PTPRG: variants seen among roughly 807,000 people sequenced by gnomAD.
The protein encoded by PTPRG is protein tyrosine phosphatase receptor type G.
In PTPRG, 102 loss-of-function variants were observed where a neutral mutation model predicts 165.3. The observed-to-expected ratio is 0.62, with a 90% CI of 0.53 to 0.73. The LOEUF is 0.73. Ranked by LOEUF, PTPRG falls within the 30% of genes least tolerant of loss-of-function variation. The pLI is 0.00. For missense variants in PTPRG, 1,866 were observed against 1,861.4 expected, an observed-to-expected ratio of 1.00 and a Z score of -0.05; for synonymous variants, 675 against 669.5, an observed-to-expected ratio of 1.01 and a Z score of -0.13.
chr3:62,154,401 C>T (rs1434157287), intron 6 of PTPRG, among the ~76,000 whole-genome samples: 2 of 152,188 alleles, frequency 1.3e-5, no homozygotes, highest in African/African-American at 2.4e-5. Context: ...CAGAGCTTGC[C>T]TCTGAAGCCC....
At chr3:62,104,393 T>A (rs1050875949) in intron 5 of PTPRG, among the ~76,000 whole-genome samples, 10 of 152,216 alleles carry the variant, frequency 6.6e-5, no homozygotes, top group African/African-American at 2.2e-4. Context: ...TTTTAGAAAT[T>A]CCAGAATACT....
At chr3:61,835,907 G>A (rs1316794390) in intron 2 of PTPRG, among the ~76,000 whole-genome samples, 1 of 151,702 alleles carries the variant, frequency 6.6e-6, no homozygotes, top group Non-Finnish European at 1.5e-5. Flanking sequence ...AGGCATGGTG[G>A]CACATGCCTG....
intron 5 of PTPRG, among the ~76,000 whole-genome samples, chr3:62,105,835 G>C (rs1702455890): frequency 6.6e-6 from 1 of 152,024 alleles, no homozygotes; most frequent in Non-Finnish European, 1.5e-5. Context: ...TAGATCTCTT[G>C]GTGTCTTCTC....
intron 1 of PTPRG, among the ~76,000 whole-genome samples, chr3:61,588,560 C>G (rs990053873): frequency 2.0e-5 from 3 of 151,904 alleles, no homozygotes; most frequent in African/African-American, 7.3e-5. Context: ...ATTCTCATGC[C>G]TCAGCCTCTG....
intron 5 of PTPRG, among the ~76,000 whole-genome samples, chr3:62,103,123 C>T (rs564393806): frequency 1.3e-5 from 2 of 151,886 alleles, no homozygotes; most frequent in Non-Finnish European, 2.9e-5. Flanking sequence ...TTTTCCTAAC[C>T]CTCAGCTGTT....
intron 2 of PTPRG, among the ~76,000 whole-genome samples, chr3:61,965,374 G>A (rs964838003): frequency 6.6e-6 from 1 of 151,100 alleles, no homozygotes; most frequent in Non-Finnish European, 1.5e-5. Context: ...TGTAATCCCA[G>A]CTACTGGGGA....
chr3:61,762,771 TAAGGGC>T (rs758785732), intron 2 of PTPRG, among the ~76,000 whole-genome samples: 3 of 152,140 alleles, frequency 2.0e-5, no homozygotes, highest in South Asian at 4.1e-4. Flanking sequence ...GGCCTAAGCG[TAAGGGC>T]AGTTTATCGC....
chr3:61,842,747 A>G (rs1030808538), intron 2 of PTPRG, among the ~76,000 whole-genome samples: 5 of 151,968 alleles, frequency 3.3e-5, no homozygotes, highest in Admixed American at 2.0e-4. Flanking sequence ...AATATTTACT[A>G]CTTCTAGGCC....
chr3:61,658,788 T>C (rs2107015336), intron 1 of PTPRG, among the ~76,000 whole-genome samples: 1 of 152,290 alleles, frequency 6.6e-6, no homozygotes, highest in Admixed American at 6.5e-5. Flanking sequence ...ATGGCCATGA[T>C]CTAGTGCTCC....
At chr3:61,574,654 A>T (rs1700135408) in intron 1 of PTPRG, among the ~76,000 whole-genome samples, 1 of 152,130 alleles carries the variant, frequency 6.6e-6, no homozygotes, top group Non-Finnish European at 1.5e-5. Flanking sequence ...AGTCCATTTT[A>T]TGTTGCTGTA....
intron 1 of PTPRG, among the ~76,000 whole-genome samples, chr3:61,648,762 T>A (rs1042609774): frequency 6.6e-6 from 1 of 152,362 alleles, no homozygotes; most frequent in East Asian, 1.9e-4. Flanking sequence ...GCATGTTGCT[T>A]GAATGTTTCC....
At chr3:62,028,340 T>C (rs1321821109) in intron 4 of PTPRG, among the ~76,000 whole-genome samples, 1 of 152,180 alleles carries the variant, frequency 6.6e-6, no homozygotes, top group Non-Finnish European at 1.5e-5. Flanking sequence ...TTTTTAAGAG[T>C]TGAATCTGTC....
At chr3:62,010,955 A>T (rs995233792) in intron 4 of PTPRG, among the ~76,000 whole-genome samples, 1 of 152,186 alleles carries the variant, frequency 6.6e-6, no homozygotes, top group African/African-American at 2.4e-5. Flanking sequence ...TGGACACCAG[A>T]GAGTGAGTGC....
At chr3:62,173,426 A>AG (rs942121425) in intron 8 of PTPRG, among the ~76,000 whole-genome samples, 17 of 152,324 alleles carry the variant, frequency 1.1e-4, no homozygotes, top group African/African-American at 4.1e-4. Context: ...TTCCAAAAAA[A>AG]GATGGCAGAC....
intron 11 of PTPRG, 139 bp downstream of exon 11, chr3:62,201,693 A>G (rs1700098654): frequency 6.5e-6 from 4 of 617,956 alleles, no homozygotes; most frequent in Non-Finnish European, 5.3e-6. Context: ...AAATTACATT[A>G]TTCACTTTTT....
intron 1 of PTPRG, among the ~76,000 whole-genome samples, chr3:61,711,902 T>G (rs973202556): frequency 1.3e-5 from 2 of 151,512 alleles, no homozygotes; most frequent in African/African-American, 4.8e-5. Context: ...TCTTTTTTTT[T>G]TTTTTTTTGA....
At chr3:62,075,102 G>C (rs1224665707) in intron 4 of PTPRG, among the ~76,000 whole-genome samples, 5 of 152,176 alleles carry the variant, frequency 3.3e-5, no homozygotes, top group African/African-American at 7.2e-5. Context: ...TTATTATCCA[G>C]ATGGGTGGAG....
chr3:61,702,379 C>T (rs1479010805), intron 1 of PTPRG, among the ~76,000 whole-genome samples: 2 of 152,188 alleles, frequency 1.3e-5, no homozygotes, highest in Non-Finnish European at 2.9e-5. Context: ...GGAACTGTTA[C>T]TTTCTTCATT....
At chr3:61,733,923 A>T (rs528202555) in intron 1 of PTPRG, among the ~76,000 whole-genome samples, 1 of 152,234 alleles carries the variant, frequency 6.6e-6, no homozygotes, top group East Asian at 1.9e-4. Flanking sequence ...TCAGCCTCCC[A>T]AGTAGCTGGG....
Sources: allele counts gnomAD v4.1 joint callset (sites outside exome capture counted in the v4.1 genomes callset), GRCh38; gene constraint gnomAD v4.1.1; transcripts MANE v1.5; gene names NCBI Gene and HGNC (gene_info 2026-07-23, HGNC 2026-07-21).